The following NEDD4L variants were observed in gnomAD, a reference collection of about 807,000 sequenced individuals.
NEDD4L encodes NEDD4 like E3 ubiquitin protein ligase, also known as E3 ubiquitin-protein ligase NEDD4-like.
NEDD4L carries 54 observed loss-of-function variants against 148.9 expected under a neutral mutation model. The ratio of observed to expected loss-of-function variants is 0.36; its 90% CI spans 0.29 to 0.45. The LOEUF is 0.45. NEDD4L is among the 20% of genes least tolerant of loss of function. The pLI is 1.00. For missense variants in NEDD4L, 856 were observed against 1,233.8 expected (o/e 0.69, Z 4.59); for synonymous variants, 433 against 440.7 (o/e 0.98, Z 0.22).
At chr18:58,324,350 A>G (rs1335533813) in intron 8 of NEDD4L, among the ~76,000 whole-genome samples, 1 of 152,228 alleles carries the variant, frequency 6.6e-6, no homozygotes, top group East Asian at 1.9e-4. Flanking sequence ...TTTTGGTACC[A>G]TGAAACCCGT....
At chr18:58,060,491 G>A (rs1458232910) in intron 1 of NEDD4L, among the ~76,000 whole-genome samples, 1 of 152,136 alleles carries the variant, frequency 6.6e-6, no homozygotes, top group East Asian at 1.9e-4. Flanking sequence ...CAGTTGCAGA[G>A]CTGTCCAGGC....
chr18:58,115,253 T>TC (rs1017731381), intron 1 of NEDD4L, among the ~76,000 whole-genome samples: 3 of 149,868 alleles, frequency 2.0e-5, no homozygotes, highest in East Asian at 1.9e-4. Context: ...TTCTTTTTTT[T>TC]TTTTTTTTCT....
intron 5 of NEDD4L, among the ~76,000 whole-genome samples, chr18:58,261,403 A>G (rs1217937017): frequency 6.6e-6 from 1 of 152,186 alleles, no homozygotes. Flanking sequence ...GAAACAATAT[A>G]GTGTTATATC....
intron 22 of NEDD4L, among the ~76,000 whole-genome samples, chr18:58,368,863 T>G (rs1222317648): frequency 1.3e-5 from 2 of 152,234 alleles, no homozygotes; most frequent in Non-Finnish European, 2.9e-5. Context: ...ATTTCCAGCT[T>G]TGGAGTCATG....
intron 5 of NEDD4L, chr18:58,255,404 G>A (rs1469414267): frequency 2.4e-6 from 2 of 843,346 alleles, no homozygotes; most frequent in Non-Finnish European, 3.1e-6. Context: ...TGTGGTTCTG[G>A]CCACCCTACC....
At chr18:58,251,951 G>A in intron 4 of NEDD4L, 50 bp from the exon 5 acceptor site, 2 of 1,046,110 alleles carry the variant, frequency 1.9e-6, no homozygotes, top group Non-Finnish European at 3.0e-6. Flanking sequence ...TTACGTCGCT[G>A]TTCAAATGAT....
At chr18:58,046,568 T>G (rs1199755359) in intron 1 of NEDD4L, 1 of 152,254 alleles carries the variant, frequency 6.6e-6, no homozygotes, top group African/African-American at 2.4e-5. Flanking sequence ...TTGTTTGTGC[T>G]TTATTTACAT....
At chr18:58,257,437 C>G (rs943409404) in intron 5 of NEDD4L, among the ~76,000 whole-genome samples, 1 of 151,336 alleles carries the variant, frequency 6.6e-6, no homozygotes, top group African/African-American at 2.4e-5. Flanking sequence ...AAGATACTAA[C>G]AGATGCGTTT....
chr18:58,318,531 T>G (rs1206430985), intron 6 of NEDD4L, among the ~76,000 whole-genome samples: 2 of 152,210 alleles, frequency 1.3e-5, no homozygotes, highest in African/African-American at 4.8e-5. Flanking sequence ...CGCTCCAGCC[T>G]TGGAGACAGA....
intron 2 of NEDD4L, among the ~76,000 whole-genome samples, chr18:58,183,400 C>A (rs2039066570): frequency 6.6e-6 from 1 of 152,236 alleles, no homozygotes; most frequent in Admixed American, 6.5e-5. Flanking sequence ...TGTACCCTGC[C>A]AGCTGTCCTT....
At chr18:58,367,009 T>C (rs978570015) in intron 21 of NEDD4L, 1 of 152,302 alleles carries the variant, frequency 6.6e-6, no homozygotes, top group African/African-American at 2.4e-5. Context: ...AATTGATTTG[T>C]TGTTACTGAG....
intron 2 of NEDD4L, among the ~76,000 whole-genome samples, chr18:58,196,613 T>A (rs2040721213): frequency 6.6e-6 from 1 of 152,034 alleles, no homozygotes; most frequent in Non-Finnish European, 1.5e-5. Flanking sequence ...CCATGTTATG[T>A]GCCATTAAAA....
intron 1 of NEDD4L, among the ~76,000 whole-genome samples, chr18:58,146,379 G>A (rs1320546618): frequency 6.6e-6 from 1 of 152,110 alleles, no homozygotes; most frequent in Non-Finnish European, 1.5e-5. Flanking sequence ...GTGCTATGTG[G>A]GTGTGGACCA....
intron 18 of NEDD4L, among the ~76,000 whole-genome samples, chr18:58,354,964 G>A (rs184087163): frequency 5.3e-5 from 8 of 152,326 alleles, no homozygotes; most frequent in South Asian, 2.1e-4. Context: ...GCCACGTTCC[G>A]AGAAACGCAG....
At chr18:58,382,938 C>T (rs530696242) in intron 24 of NEDD4L, among the ~76,000 whole-genome samples, 1 of 152,284 alleles carries the variant, frequency 6.6e-6, no homozygotes, top group South Asian at 2.1e-4. Flanking sequence ...CTCTGTTAAA[C>T]ATAATTAGTT....
At chr18:58,278,216 C>T (rs188615829) in intron 5 of NEDD4L, among the ~76,000 whole-genome samples, 2 of 152,208 alleles carry the variant, frequency 1.3e-5, no homozygotes, top group Non-Finnish European at 2.9e-5. Flanking sequence ...GCATGCCTTT[C>T]GCAATCAACA....
intron 1 of NEDD4L, among the ~76,000 whole-genome samples, chr18:58,161,435 CTTTTTT>C (rs55873387): frequency 2.9e-4 from 40 of 140,314 alleles, no homozygotes; most frequent in African/African-American, 1.0e-3. Flanking sequence ...TTTTCTTTTT[CTTTTTT>C]TTTTTTTTTT....
intron 24 of NEDD4L, among the ~76,000 whole-genome samples, chr18:58,380,258 G>T (rs1181542207): frequency 1.3e-5 from 2 of 149,846 alleles, no homozygotes; most frequent in African/African-American, 4.9e-5. Context: ...TTTTTTTACA[G>T]AAGTGGAATT....
intron 5 of NEDD4L, among the ~76,000 whole-genome samples, chr18:58,315,719 A>G (rs2058182520): frequency 6.6e-6 from 1 of 152,048 alleles, no homozygotes; most frequent in Admixed American, 6.6e-5. Context: ...CTGACTGATC[A>G]TGTTCTCCCA....
Sources: allele counts gnomAD v4.1 joint callset (sites outside exome capture counted in the v4.1 genomes callset), GRCh38; gene constraint gnomAD v4.1.1; transcripts MANE v1.5; gene names NCBI Gene and HGNC (gene_info 2026-07-23, HGNC 2026-07-21).